MSTO1: variants seen among roughly 807,000 people sequenced by gnomAD.
MSTO1 encodes protein misato homolog 1.
MSTO1 carries 24 observed loss-of-function variants against 55.7 expected under a neutral mutation model. That is an observed-to-expected ratio of 0.43 (90% confidence interval 0.31 to 0.61). MSTO1 has a LOEUF of 0.61. MSTO1 is among the 20% of genes least tolerant of loss of function. The pLI, the probability that MSTO1 is intolerant of heterozygous loss-of-function variation, is 0.09. For missense variants in MSTO1, 363 were observed against 625.7 expected (o/e 0.58, Z 4.48); for synonymous variants, 162 against 252.8 (o/e 0.64, Z 3.41).
At chr1:155,606,285 C>T (rs1210632548), upstream of MSTO1, among the ~76,000 whole-genome samples, 2 of 144,048 alleles carry the variant, frequency 1.4e-5, no homozygotes, top group Non-Finnish European at 3.0e-5. Flanking sequence ...TCTCGAACTC[C>T]TGGCCTTAAG....
At chr1:155,602,454 C>A in the MSTO1 span, among the ~76,000 whole-genome samples, 2 of 152,076 alleles carry the variant, frequency 1.3e-5, no homozygotes, top group Non-Finnish European at 2.9e-5. Context: ...CCAGCCTGGG[C>A]GACAAGAGCG....
At chr1:155,596,285 G>A in the MSTO1 span, among the ~76,000 whole-genome samples, 1 of 151,940 alleles carries the variant, frequency 6.6e-6, no homozygotes, top group Non-Finnish European at 1.5e-5. Context: ...AATTCCTCTG[G>A]GGTTTCTATG....
chr1:155,582,456 G>A, the MSTO1 span, among the ~76,000 whole-genome samples: 1 of 151,924 alleles, frequency 6.6e-6, no homozygotes, highest in Non-Finnish European at 1.5e-5. Flanking sequence ...TCTGCTTATA[G>A]ATTTTTTGTT....
rs1674757394 is a variant in MSTO1, at chr1:155,613,348, A to G, written c.1284-114A>G. The G allele has an allele frequency of 1.9e-5, 26 of 1,361,650 alleles. No homozygotes were observed. The South Asian group carries it at 2.1e-4, about 11-fold the overall frequency. The allele number at this position is 1,361,650 out of a possible 1,614,324, so 84.3% of individuals were successfully genotyped here. ...GTTCCCTCCCCACCCCTTAAAAAGG[A>G]AAAAAAAAAGGGCTTTGAATATCTT... On this transcript the variant is annotated intron_variant, in intron 11 of 13. Transcript: ENST00000245564.
the MSTO1 span, among the ~76,000 whole-genome samples, chr1:155,600,398 C>T: frequency 6.6e-6 from 1 of 152,212 alleles, no homozygotes; most frequent in Admixed American, 6.5e-5. Context: ...TTAACAGAAT[C>T]TCAAGGCAGA....
chr1:155,584,670 CA>C, the MSTO1 span, among the ~76,000 whole-genome samples: 240 of 72,844 alleles, frequency 3.3e-3, 1 homozygote, highest in African/African-American at 0.013. Context: ...GAGCTTGTCT[CA>C]AAAAAAAAAA....
At chr1:155,584,300 A>G in the MSTO1 span, among the ~76,000 whole-genome samples, 1 of 152,054 alleles carries the variant, frequency 6.6e-6, no homozygotes, top group Non-Finnish European at 1.5e-5. Context: ...TTGAGGCTGC[A>G]ATGAGCTGTG....
chr1:155,581,840 CTGG>C, the MSTO1 span, among the ~76,000 whole-genome samples: 1 of 151,576 alleles, frequency 6.6e-6, no homozygotes, highest in African/African-American at 2.4e-5. Context: ...GTCACCCAGG[CTGG>C]AGTGCAGTGG....
At chr1:155,602,765 G>C in the MSTO1 span, among the ~76,000 whole-genome samples, 3 of 151,986 alleles carry the variant, frequency 2.0e-5, no homozygotes, top group Non-Finnish European at 4.4e-5. Context: ...GGGTAGCAAA[G>C]TGAAATCCAG....
chr1:155,591,797 A>C, the MSTO1 span, among the ~76,000 whole-genome samples: 2 of 152,100 alleles, frequency 1.3e-5, no homozygotes, highest in Non-Finnish European at 2.9e-5. Context: ...TCTCAAAAAA[A>C]AAAAAAGATT....
intron 7 of MSTO1, 36 bp from the exon 8 acceptor site, chr1:155,612,146 C>T (rs182445263): frequency 1.2e-6 from 2 of 1,613,618 alleles, no homozygotes; most frequent in Admixed American, 1.7e-5. Flanking sequence ...CTCTTCTCAT[C>T]CTGCTAACTA....
chr1:155,564,656 A>G, the MSTO1 span, among the ~76,000 whole-genome samples: 1 of 152,214 alleles, frequency 6.6e-6, no homozygotes, highest in African/African-American at 2.4e-5. Flanking sequence ...ATATTTTCCT[A>G]ACCAAGTCCC....
Position 155,610,466 on chromosome 1 carries a change from G to A in MSTO1, c.126G>A (p.Pro42=), listed in dbSNP as rs1432372996. The change falls in exon 2 of 14, where the codon CCG becomes CCA. Residue 42 remains proline (P), a synonymous_variant. Coordinates refer to ENST00000245564, the MANE Select transcript of MSTO1 (RefSeq NM_018116.4). ...GAGCGACCGATTCCAAGGAGCCCCC[G>A]GGAGAGCTGTGCCCCGACGTCCTGT... ...LGRATDSKEP[P]GELCPDVLYR... 1 of 819,156 alleles carries A rather than the reference G, an allele frequency of 1.2e-6. No homozygotes were observed. Among genetic ancestry groups the A allele is most frequent in the Non-Finnish European group, 1.9e-6 (1 of 518,820 alleles). 50.7% of individuals were successfully genotyped at this position (819,156 alleles called of 1,614,324 possible). A position where few individuals can be genotyped will look rare whatever the true frequency, so the allele number is the denominator to read the frequency against.
At chr1:155,593,182 G>T in the MSTO1 span, among the ~76,000 whole-genome samples, 1 of 152,146 alleles carries the variant, frequency 6.6e-6, no homozygotes, top group Non-Finnish European at 1.5e-5. Flanking sequence ...CCAAAGTGCT[G>T]GGATTACAGG....
the MSTO1 span, among the ~76,000 whole-genome samples, chr1:155,585,806 C>G: frequency 1.3e-5 from 2 of 151,980 alleles, no homozygotes; most frequent in African/African-American, 2.4e-5. Context: ...TGTGCCTGCC[C>G]CCATCTTTTT....
chr1:155,614,961 TA>T, downstream of MSTO1: 1 of 896,154 alleles, frequency 1.1e-6, no homozygotes, highest in Non-Finnish European at 1.8e-6. Flanking sequence ...ATCTTTTGTT[TA>T]TTCCACACAG....
At chr1:155,591,149 G>T in the MSTO1 span, 2 of 1,613,490 alleles carry the variant, frequency 1.2e-6, no homozygotes, top group Admixed American at 3.3e-5. Context: ...CCACGATGCT[G>T]TTGCCGATGA....
the MSTO1 span, among the ~76,000 whole-genome samples, chr1:155,568,861 T>C: frequency 6.6e-6 from 1 of 151,236 alleles, no homozygotes; most frequent in East Asian, 1.9e-4. Context: ...CTTTTTCTTT[T>C]TTTTTTTTGA....
the MSTO1 span, among the ~76,000 whole-genome samples, chr1:155,578,476 C>A: frequency 7.0e-6 from 1 of 142,892 alleles, no homozygotes; most frequent in Non-Finnish European, 1.5e-5. Flanking sequence ...GTAGCTGGAA[C>A]TACAGGCATG....
Sources: allele counts gnomAD v4.1 joint callset (sites outside exome capture counted in the v4.1 genomes callset), GRCh38; gene constraint gnomAD v4.1.1; transcripts MANE v1.5; gene names NCBI Gene and HGNC (gene_info 2026-07-23, HGNC 2026-07-21).